LRIG1: variants seen among roughly 807,000 people sequenced by gnomAD.
The protein encoded by LRIG1 is leucine-rich repeats and immunoglobulin-like domains protein 1.
A neutral mutation model predicts 99.2 loss-of-function variants in LRIG1; 48 were observed. That is an observed-to-expected ratio of 0.48 (90% CI 0.38 to 0.62). The LOEUF (loss-of-function observed/expected upper bound fraction) is 0.62. Among genes scored for constraint, LRIG1 ranks in the 20% least tolerant of loss-of-function variants. The pLI is 0.00. For synonymous variants in LRIG1, 772 were observed against 596.1 expected (o/e 1.29, Z -4.30); for missense variants, 1,646 against 1,434.4 (o/e 1.15, Z -2.38).
intron 3 of LRIG1, among the ~76,000 whole-genome samples, chr3:66,421,942 C>T (rs1163152885): frequency 6.6e-6 from 1 of 152,236 alleles, no homozygotes; most frequent in Non-Finnish European, 1.5e-5. Flanking sequence ...GCAGGCTCAG[C>T]ACCACATGGA....
intron 1 of LRIG1, among the ~76,000 whole-genome samples, chr3:66,476,959 C>T (rs1426792267): frequency 6.6e-6 from 1 of 152,198 alleles, no homozygotes; most frequent in Non-Finnish European, 1.5e-5. Context: ...CTGTGACGCA[C>T]GACACACATG....
intron 3 of LRIG1, among the ~76,000 whole-genome samples, chr3:66,445,683 A>G (rs1225226120): frequency 6.6e-6 from 1 of 152,336 alleles, no homozygotes; most frequent in Non-Finnish European, 1.5e-5. Flanking sequence ...TTTCACATCA[A>G]TTCTTTATTA....
chr3:66,438,643 T>C (rs1455289865), intron 3 of LRIG1, among the ~76,000 whole-genome samples: 1 of 152,222 alleles, frequency 6.6e-6, no homozygotes, highest in Non-Finnish European at 1.5e-5. Context: ...TTCCTCCCAG[T>C]TCCCAAGAGT....
At chr3:66,400,986 C>T (rs561592127) in intron 9 of LRIG1, among the ~76,000 whole-genome samples, 28 of 152,298 alleles carry the variant, frequency 1.8e-4, no homozygotes, top group African/African-American at 6.5e-4. Flanking sequence ...TCATCAGAAA[C>T]AGACTCCCTC....
At chr3:66,451,501 G>T in intron 3 of LRIG1, 58 bp downstream of exon 3, 3 of 1,472,248 alleles carry the variant, frequency 2.0e-6, no homozygotes, top group Non-Finnish European at 2.8e-6. Flanking sequence ...TATCAGCAAG[G>T]CAACAAACAC....
intron 1 of LRIG1, among the ~76,000 whole-genome samples, chr3:66,479,698 G>A (rs180697801): frequency 1.3e-5 from 2 of 152,342 alleles, no homozygotes; most frequent in African/African-American, 2.4e-5. Context: ...AAGATGCTCA[G>A]TGTCATTAGT....
chr3:66,424,678 A>C (rs1321684076), intron 3 of LRIG1, among the ~76,000 whole-genome samples: 1 of 152,210 alleles, frequency 6.6e-6, no homozygotes, highest in African/African-American at 2.4e-5. Context: ...ATCACACAGC[A>C]ATCTAACAAG....
In LRIG1 at chr3:66,410,119, G is replaced by A; in HGVS notation, c.935+10C>T. The A allele has an allele frequency of 6.2e-7, 1 of 1,607,208 alleles. No individual in the cohort carries two copies. The highest frequency in any genetic ancestry group is 8.5e-7 in the Non-Finnish European group (1 of 1,176,592). Reference sequence around the variant, plus strand: ...AAACACTGCCACAGCCCAGAGCCGAGGACACTTACAACTCATGCAGCTTCT... The same window carrying A: ...AAACACTGCCACAGCCCAGAGCCGAAGACACTTACAACTCATGCAGCTTCT... On this transcript the variant is annotated intron_variant, in intron 7 of 18. Transcript: ENST00000273261.
intron 14 of LRIG1, among the ~76,000 whole-genome samples, chr3:66,383,774 C>T (rs1271010469): frequency 6.6e-6 from 1 of 152,036 alleles, no homozygotes; most frequent in Non-Finnish European, 1.5e-5. Context: ...GTAGCTAAAC[C>T]CTATGAAGAC....
rs140433888 is a variant in LRIG1, at chr3:66,380,395, C to T, written c.3150G>A (p.Ala1050=). 2.6e-3 allele frequency: 4,213 copies of T among 1,609,532 alleles called. 39 individuals are homozygous for T. The highest frequency in any genetic ancestry group is 0.025 in the East Asian group (1,120 of 44,878). ...SSLTSGSPER[A]EAQYLLVSNG... ...TGGAAACAAGCAAGTACTGGGCTTC[C>T]GCGCGCTCTGGACTGCCTGAAGTTA... Residue 1050 remains alanine (A), a synonymous_variant, in exon 19 of 19, where the codon GCG becomes GCA. Coordinates refer to ENST00000273261, the MANE Select transcript of LRIG1 (RefSeq NM_015541.3).
intron 3 of LRIG1, chr3:66,417,482 T>C (rs1702649902): frequency 7.2e-6 from 4 of 558,834 alleles, no homozygotes; most frequent in Non-Finnish European, 1.3e-5. Flanking sequence ...TTATCAAAGT[T>C]CTATCCCTAG....
chr3:66,494,733 T>C (rs1701189776), intron 1 of LRIG1, among the ~76,000 whole-genome samples: 1 of 152,150 alleles, frequency 6.6e-6, no homozygotes, highest in African/African-American at 2.4e-5. Context: ...CACCACCCCC[T>C]ACAAAAAAGA....
intron 3 of LRIG1, among the ~76,000 whole-genome samples, chr3:66,427,154 T>C (rs1703009065): frequency 6.6e-6 from 1 of 152,224 alleles, no homozygotes; most frequent in Non-Finnish European, 1.5e-5. Flanking sequence ...CTCCACACCC[T>C]GCAGCACTCT....
intron 3 of LRIG1, among the ~76,000 whole-genome samples, chr3:66,418,675 GAACAC>G (rs1317969064): frequency 6.6e-6 from 1 of 152,198 alleles, no homozygotes; most frequent in African/African-American, 2.4e-5. Flanking sequence ...AAGCATTCTT[GAACAC>G]AACACAAGTA....
At chr3:66,463,613 A>T (rs1428548457) in intron 1 of LRIG1, among the ~76,000 whole-genome samples, 1 of 152,206 alleles carries the variant, frequency 6.6e-6, no homozygotes, top group Non-Finnish European at 1.5e-5. Context: ...CTTTGCCAGA[A>T]AGTAATCTTT....
At chr3:66,406,760 G>A (rs1049509380) in intron 8 of LRIG1, among the ~76,000 whole-genome samples, 8 of 152,148 alleles carry the variant, frequency 5.3e-5, no homozygotes, top group Admixed American at 1.3e-4. Flanking sequence ...GGACTTCAAG[G>A]GAAATGGCAT....
intron 3 of LRIG1, 197 bp from the exon 4 acceptor site, chr3:66,417,463 G>C: frequency 1.6e-6 from 1 of 607,414 alleles, no homozygotes; most frequent in Non-Finnish European, 2.8e-6. Context: ...TTTTCAATCT[G>C]GGACAAGTTT....
At chr3:66,494,445 C>T (rs1174513052) in intron 1 of LRIG1, among the ~76,000 whole-genome samples, 1 of 152,118 alleles carries the variant, frequency 6.6e-6, no homozygotes, top group Non-Finnish European at 1.5e-5. Context: ...GTCAATAACC[C>T]AAATGGAGAC....
At chr3:66,462,766 T>C (rs985386225) in intron 1 of LRIG1, among the ~76,000 whole-genome samples, 19 of 152,118 alleles carry the variant, frequency 1.2e-4, no homozygotes, top group African/African-American at 4.1e-4. Context: ...ATTTAACAAC[T>C]TGGAAAGAAA....
Sources: gnomAD v4.1 joint callset for allele counts (sites outside exome capture counted in the v4.1 genomes callset) on GRCh38, gnomAD v4.1.1 for gene constraint, MANE v1.5 for transcripts, NCBI Gene and HGNC (gene_info 2026-07-23, HGNC 2026-07-21) for gene names.